Variants in CSMD1 observed in about 807,000 individuals in gnomAD.
CSMD1 encodes the protein CUB and sushi domain-containing protein 1.
Under a neutral mutation model 417.5 loss-of-function variants are expected in CSMD1, and 213 were observed. That is an observed-to-expected ratio of 0.51 (90% CI 0.46 to 0.57). CSMD1 has a LOEUF of 0.57. CSMD1 is among the 20% of genes least tolerant of loss of function. CSMD1 has a pLI of 0.00. For missense variants in CSMD1, 6,923 were observed against 4,529.7 expected (o/e 1.53, Z -15.17); for synonymous variants, 2,862 against 1,736.8 (o/e 1.65, Z -16.11).
At chr8:3,866,526 T>C (rs1027738640) in intron 5 of CSMD1, among the ~76,000 whole-genome samples, 2 of 152,242 alleles carry the variant, frequency 1.3e-5, no homozygotes, top group African/African-American at 4.8e-5. Context: ...CATGATCTAA[T>C]GTGTACGTTT....
intron 3 of CSMD1, among the ~76,000 whole-genome samples, chr8:4,130,470 C>G (rs145957631): frequency 5.7e-4 from 87 of 152,246 alleles, no homozygotes; most frequent in Middle Eastern, 3.4e-3. Context: ...ATTGCTGAAG[C>G]TTTTGAGTGT....
chr8:4,624,993 C>T (rs1356303441), intron 2 of CSMD1, among the ~76,000 whole-genome samples: 1 of 152,108 alleles, frequency 6.6e-6, no homozygotes, highest in African/African-American at 2.4e-5. Context: ...TCACCTTATT[C>T]TTTATTCAGC....
intron 3 of CSMD1, among the ~76,000 whole-genome samples, chr8:4,154,449 A>C (rs558420309): frequency 6.6e-6 from 1 of 152,300 alleles, no homozygotes; most frequent in South Asian, 2.1e-4. Flanking sequence ...AAAGAGCTGA[A>C]AATCAATGGG....
At chr8:4,251,310 G>A (rs1281952694) in intron 3 of CSMD1, among the ~76,000 whole-genome samples, 2 of 152,088 alleles carry the variant, frequency 1.3e-5, no homozygotes, top group African/African-American at 4.8e-5. Flanking sequence ...TTACAAGAAT[G>A]TCATAGTATT....
intron 1 of CSMD1, among the ~76,000 whole-genome samples, chr8:4,988,744 C>G (rs1400461289): frequency 6.6e-6 from 1 of 152,164 alleles, no homozygotes; most frequent in African/African-American, 2.4e-5. Flanking sequence ...CAGGTTGATA[C>G]AAATGGTTTA....
Position 3,539,781 on chromosome 8 carries a change from CAAGA to C in CSMD1, c.1344+35160_1344+35163del, listed in dbSNP as rs1202052110. 9.7e-5 allele frequency among the ~76,000 whole-genome samples: 14 copies of C among 145,016 alleles called. No individual in the cohort carries two copies. In the East Asian group the frequency reaches 1.0e-3, roughly 11 times the overall value. ...TTTATGATAAAAAAAAAAAAAAACA[CAAGA>C]AAGAAAATGCCTACAAAAAAGGAAA... is the stretch of plus-strand genomic sequence containing the variant. On this transcript the variant is annotated intron_variant, in intron 10 of 69. Coordinates refer to ENST00000635120, the MANE Select transcript of CSMD1 (RefSeq NM_033225.6).
intron 3 of CSMD1, among the ~76,000 whole-genome samples, chr8:4,195,833 G>C (rs890275006): frequency 1.3e-5 from 2 of 152,136 alleles, no homozygotes; most frequent in East Asian, 1.9e-4. Context: ...TAGATGAGGA[G>C]GCAGTGGAAT....
intron 1 of CSMD1, among the ~76,000 whole-genome samples, chr8:4,650,318 C>A (rs1298545382): frequency 7.3e-6 from 1 of 137,072 alleles, no homozygotes; most frequent in African/African-American, 2.9e-5. Flanking sequence ...GCACTCCAGC[C>A]TGGGCAGCAG....
intron 49 of CSMD1, among the ~76,000 whole-genome samples, chr8:3,063,119 C>G (rs1370943121): frequency 6.6e-6 from 1 of 152,070 alleles, no homozygotes; most frequent in Non-Finnish European, 1.5e-5. Flanking sequence ...TAAAAACTTA[C>G]AGAAGGATTT....
At chr8:4,152,671 C>G (rs562299717) in intron 3 of CSMD1, among the ~76,000 whole-genome samples, 2 of 151,778 alleles carry the variant, frequency 1.3e-5, no homozygotes, top group Non-Finnish European at 2.9e-5. Flanking sequence ...ACCCAAGCAA[C>G]AGAGCGAGAC....
chr8:4,365,322 A>C (rs1802000604), intron 3 of CSMD1, among the ~76,000 whole-genome samples: 1 of 152,234 alleles, frequency 6.6e-6, no homozygotes, highest in Non-Finnish European at 1.5e-5. Context: ...TGAAAACTGT[A>C]CAACTAATTG....
intron 20 of CSMD1, among the ~76,000 whole-genome samples, chr8:3,359,793 G>A (rs144381291): frequency 4.9e-4 from 74 of 152,094 alleles, no homozygotes; most frequent in African/African-American, 1.7e-3. Flanking sequence ...TGAGGTGATG[G>A]GATTCTTAAG....
At chr8:3,725,504 G>A (rs1480421522) in intron 6 of CSMD1, among the ~76,000 whole-genome samples, 2 of 152,170 alleles carry the variant, frequency 1.3e-5, no homozygotes, top group African/African-American at 4.8e-5. Flanking sequence ...ATATGAATGT[G>A]TATGTGTGTG....
intron 5 of CSMD1, among the ~76,000 whole-genome samples, chr8:3,919,582 T>C (rs1809084473): frequency 1.3e-5 from 2 of 152,242 alleles, no homozygotes; most frequent in South Asian, 2.1e-4. Context: ...CCTTCAGCTG[T>C]GTTATTCTTG....
rs76491493 is a variant in CSMD1 at position 3,966,115 on chromosome 8, G to A, written c.818+31788C>T. The stretch of plus-strand genomic sequence containing the variant: ...CTACGAATGTACTTCATAATTTAGG[G>A]AATAGGCTCCCATCCATGCTACTTA... On this transcript the variant is annotated intron_variant, in intron 5 of 69. Transcript: ENST00000635120. 1.6e-3 allele frequency among the ~76,000 whole-genome samples: 246 copies of A among 152,274 alleles called. 2 individuals carry two copies. In the East Asian group the frequency reaches 0.018, roughly 11 times the overall value.
At chr8:4,352,426 C>G (rs1801151769) in intron 3 of CSMD1, among the ~76,000 whole-genome samples, 1 of 152,128 alleles carries the variant, frequency 6.6e-6, no homozygotes, top group Admixed American at 6.5e-5. Flanking sequence ...TAAATATTTC[C>G]TTTTCAACTC....
chr8:3,704,181 T>C (rs1284139648), intron 7 of CSMD1, among the ~76,000 whole-genome samples: 1 of 152,274 alleles, frequency 6.6e-6, no homozygotes, highest in Admixed American at 6.5e-5. Context: ...AGGCTGGTTG[T>C]TGGAGATGCA....
intron 7 of CSMD1, among the ~76,000 whole-genome samples, chr8:3,652,426 C>G (rs1797903098): frequency 6.6e-6 from 1 of 152,196 alleles, no homozygotes; most frequent in South Asian, 2.1e-4. Context: ...GTCTCCTTCC[C>G]AAACACAATG....
intron 8 of CSMD1, among the ~76,000 whole-genome samples, chr8:3,607,712 G>A (rs1391824502): frequency 6.6e-6 from 1 of 152,174 alleles, no homozygotes; most frequent in Admixed American, 6.5e-5. Flanking sequence ...AAATTTTACG[G>A]AGAACTATTC....
Sources: allele counts gnomAD v4.1 joint callset (sites outside exome capture counted in the v4.1 genomes callset), GRCh38; gene constraint gnomAD v4.1.1; transcripts MANE v1.5; gene names NCBI Gene and HGNC (gene_info 2026-07-23, HGNC 2026-07-21).